The following PNMA6E variants were observed in gnomAD, a reference collection of about 807,000 sequenced individuals.
PNMA6E encodes PNMA family member 6E.
For missense variants in PNMA6E, 78 were observed against 50.8 expected (o/e 1.53, Z -1.63); for synonymous variants, 43 against 17.1 (o/e 2.52, Z -3.74).
At chrX:153,409,907 G>T in the PNMA6E span, among the ~76,000 whole-genome samples, 1 of 112,305 alleles carries the variant, frequency 8.9e-6, no homozygotes, top group African/African-American at 3.2e-5. Flanking sequence ...TGGATGATGC[G>T]GGTGCAAAGG....
upstream of PNMA6E, among the ~76,000 whole-genome samples, chrX:153,406,100 TGAAG>T (rs2088875879): frequency 8.9e-6 from 1 of 111,837 alleles, no homozygotes; most frequent in Admixed American, 9.5e-5. Context: ...AGAGGAAAGA[TGAAG>T]TAAGAAGAGT....
intron 1 of PNMA6E, among the ~76,000 whole-genome samples, 152 bp downstream of exon 1, chrX:153,401,092 G>T (rs1319009183): frequency 9.4e-6 from 1 of 106,233 alleles, no homozygotes; most frequent in Non-Finnish European, 2.0e-5. Flanking sequence ...GGCCAGGCGG[G>T]ACCGCCGCCC....
At chrX:153,407,038 G>A in the PNMA6E span, among the ~76,000 whole-genome samples, 69 of 112,559 alleles carry the variant, frequency 6.1e-4, no homozygotes, top group East Asian at 0.015. Context: ...GCCCTGGCAC[G>A]AGATCACAAG....
chrX:153,396,632 T>G lies in PNMA6E; in HGVS notation c.*274A>C, dbSNP rs1430226329. The G allele has an allele frequency of 2.1e-5, 4 of 190,044 alleles. No homozygotes were observed. The highest frequency in any genetic ancestry group is 3.9e-5 in the Non-Finnish European group (4 of 103,307). The allele number at this position is 190,044 out of a possible 1,213,427, so 15.7% of individuals were successfully genotyped here. A position where few individuals can be genotyped will look rare whatever the true frequency, so the allele number is the denominator to read the frequency against. ...CCACAGCTGCCCACTCAGGGCTCCC[T>G]CCAGGCCAGCCCCCCGTGGCGGCAG... On this transcript the variant is annotated 3_prime_UTR_variant, in exon 2 of 2. Coordinates refer to ENST00000445091, the MANE Select transcript of PNMA6E (RefSeq NM_001367770.1).
chrX:153,404,793 G>A (rs1199388807), upstream of PNMA6E, among the ~76,000 whole-genome samples: 3 of 111,611 alleles, frequency 2.7e-5, no homozygotes, highest in South Asian at 3.8e-4. Context: ...TCCCTCTCCC[G>A]TGGCCATCCC....
chrX:153,413,831 A>G, the PNMA6E span, among the ~76,000 whole-genome samples: 1 of 112,425 alleles, frequency 8.9e-6, no homozygotes, highest in Non-Finnish European at 1.9e-5. Flanking sequence ...TTGAAATTGT[A>G]GATGATTTTC....
At position 153,398,500 on chromosome X, in the gene PNMA6E, A is replaced by G. The variant is rs1400773867; in HGVS notation, c.350T>C (p.Val117Ala). ...TCCTCCCTCACCTGCAGCTTTTGCTACTGCTTGACCCTGGGGCTGTGCAGG... is the reference window on the plus strand; with the variant it reads ...TCCTCCCTCACCTGCAGCTTTTGCTGCTGCTTGACCCTGGGGCTGTGCAGG... The part of the protein sequence containing the change: ...SFPAQPQGQA[V>A]AKAAGEGGGA... Residue 117 changes from valine to alanine, a missense_variant, in exon 2 of 2, where the codon GTA (valine) becomes GCA (alanine). Physicochemically the swap from Val to Ala is moderately conservative, Grantham distance 64. Coordinates refer to ENST00000445091, the MANE Select transcript of PNMA6E (RefSeq NM_001367770.1). 2.4e-6 allele frequency: 1 copy of G among 411,129 alleles called. No individual in the cohort carries two copies. Among genetic ancestry groups the G allele is most frequent in the Non-Finnish European group, 4.2e-6 (1 of 237,455 alleles). 33.9% of individuals were successfully genotyped at this position (411,129 alleles called of 1,213,427 possible).
chrX:153,398,830 C>G lies in PNMA6E; in HGVS notation c.20G>C (p.Arg7Pro), dbSNP rs1299464820. 4 of 298,357 alleles carry G rather than the reference C, an allele frequency of 1.3e-5. No homozygotes were observed. Among genetic ancestry groups the G allele is most frequent in the East Asian group, 4.8e-5 (1 of 21,043 alleles). 24.6% of individuals were successfully genotyped at this position (298,357 alleles called of 1,213,427 possible). Residue 7 changes from arginine (R) to proline (P), a missense_variant, in exon 2 of 2, where the codon CGG becomes CCG. Physicochemically the swap from Arg to Pro is moderately radical, Grantham distance 103. Transcript: ENST00000445091. The part of the protein sequence containing the change: MALAML[R>P]DWCRWMGANA... The stretch of plus-strand genomic sequence containing the variant: ...CGCACCCATCCACCTGCACCAGTCC[C>G]GAAGCATCGCCAGAGCCATCGCAGA...
At chrX:153,403,975 AT>A (rs1556971769), upstream of PNMA6E, 1 of 87,287 alleles carries the variant, frequency 1.1e-5, no homozygotes, top group East Asian at 3.4e-4. Context: ...TATTAGAAGC[AT>A]GCTTCTTTTT....
chrX:153,398,995 G>C (rs2077481253), intron 1 of PNMA6E, 75 bp from the exon 2 acceptor site: 1 of 294,979 alleles, frequency 3.4e-6, no homozygotes, highest in East Asian at 4.8e-5. Flanking sequence ...ACGTGTGTGG[G>C]GGTGAGGGGG....
the PNMA6E span, among the ~76,000 whole-genome samples, chrX:153,413,712 G>T: frequency 1.8e-5 from 2 of 111,958 alleles, no homozygotes; most frequent in South Asian, 7.5e-4. Flanking sequence ...CTCTAGTTCC[G>T]CCAGGTGCCT....
At chrX:153,400,690 C>T (rs1295350088) in intron 1 of PNMA6E, among the ~76,000 whole-genome samples, 7 of 109,971 alleles carry the variant, frequency 6.4e-5, no homozygotes, top group African/African-American at 1.3e-4. Flanking sequence ...GACCTGACCA[C>T]GGCACCCGCC....
chrX:153,397,407 G>A lies in PNMA6E; in HGVS notation c.1443C>T (p.Phe481=), dbSNP rs1317701024. 6.7e-6 allele frequency: 2 copies of A among 297,354 alleles called. No individual in the cohort carries two copies. The highest frequency in any genetic ancestry group is 5.4e-5 in the African/African-American group (2 of 36,873). 24.5% of individuals were successfully genotyped at this position (297,354 alleles called of 1,213,427 possible). A position where few individuals can be genotyped will look rare whatever the true frequency, so the allele number is the denominator to read the frequency against. ...GMQLEKRPPG[F]LGLLRLIREM... Reference sequence around the variant, plus strand: ...CCCGGATGAGCCGGAGCAGCCCCAGGAAGCCAGGTGGCCTCTTCTCCAGCT... The same window carrying A: ...CCCGGATGAGCCGGAGCAGCCCCAGAAAGCCAGGTGGCCTCTTCTCCAGCT... The change falls in exon 2 of 2, where the codon TTC becomes TTT. Residue 481 remains phenylalanine (F), a synonymous_variant. Transcript: ENST00000445091.
chrX:153,411,877 C>T, the PNMA6E span, among the ~76,000 whole-genome samples: 16 of 293 alleles, frequency 0.055, no homozygotes, highest in African/African-American at 0.2. Flanking sequence ...CCGCCCCGTA[C>T]CAGGGGCGCC....
Position 153,396,843 on chromosome X carries a change from G to C in PNMA6E, c.*63C>G. Reference sequence around the variant, plus strand: ...GGGGTGAGGGACTGGCCCTGGCCTGGCCTCTGTCTGCCTCCAAGGCGCTGC... The same window carrying C: ...GGGGTGAGGGACTGGCCCTGGCCTGCCCTCTGTCTGCCTCCAAGGCGCTGC... On this transcript the variant is annotated 3_prime_UTR_variant, in exon 2 of 2. Transcript: ENST00000445091. 3.4e-6 allele frequency: 1 copy of C among 296,564 alleles called. No individual in the cohort carries two copies. The highest frequency in any genetic ancestry group is 5.9e-6 in the Non-Finnish European group (1 of 170,057). 24.4% of individuals were successfully genotyped at this position (296,564 alleles called of 1,213,427 possible).
chrX:153,411,336 C>T, the PNMA6E span, among the ~76,000 whole-genome samples: 2 of 112,735 alleles, frequency 1.8e-5, no homozygotes, highest in Non-Finnish European at 3.8e-5. Context: ...GCGGAAGTGC[C>T]TCGGGGCGCG....
At position 153,397,977 on chromosome X, in the gene PNMA6E, T is replaced by C. The variant is rs2088821206; in HGVS notation, c.873A>G (p.Glu291=). The C allele has an allele frequency of 4.7e-6, 2 of 426,711 alleles. No individual in the cohort carries two copies. Among genetic ancestry groups the C allele is most frequent in the Non-Finnish European group, 8.1e-6 (2 of 247,088 alleles). The allele number at this position is 426,711 out of a possible 1,213,427, so 35.2% of individuals were successfully genotyped here. ...CTTTTGTTACATTTGTCCCTCCTGC[T>C]TCACCCACAGCTCCTGCCTCACCTG... ...GAAGEAGAVG[E]AGGTNVTKAW... The change falls in exon 2 of 2, where the codon GAA becomes GAG. Residue 291 remains glutamate, a synonymous_variant. Coordinates refer to ENST00000445091, the MANE Select transcript of PNMA6E (RefSeq NM_001367770.1).
In PNMA6E at chrX:153,396,989, G is replaced by A; in HGVS notation, c.1861C>T (p.Gln621Ter). Reference sequence around the variant, plus strand: ...TTTTCCGGCTCCTCCAAGATGGTCTGGAGCCCCTCCAGTGGGGGTTTCCTG... The same window carrying A: ...TTTTCCGGCTCCTCCAAGATGGTCTAGAGCCCCTCCAGTGGGGGTTTCCTG... ...EARKPPLEGLQTILEEPENED... is the reference protein window; with the variant it reads ...EARKPPLEGL The change falls in exon 2 of 2, where the codon CAG becomes TAG. Residue 621 changes from glutamine (Q) to a stop codon, truncating the protein, a stop_gained. Transcript: ENST00000445091. LOFTEE classifies it low-confidence loss of function (END_TRUNC). The A allele has an allele frequency of 3.4e-6, 1 of 297,921 alleles. No individual in the cohort carries two copies. The highest frequency in any genetic ancestry group is 5.9e-6 in the Non-Finnish European group (1 of 170,391). The allele number at this position is 297,921 out of a possible 1,213,427, so 24.6% of individuals were successfully genotyped here.
In PNMA6E at chrX:153,396,699, G is replaced by C. The variant is rs1480700643; in HGVS notation, c.*207C>G. On this transcript the variant is annotated 3_prime_UTR_variant, in exon 2 of 2. Transcript: ENST00000445091. ...TGGGTGTGCTGGGTGCAAGGGAGCG[G>C]GGGGGCGCCTCTCCCCACCCCATTT... 7.4e-6 allele frequency: 2 copies of C among 271,332 alleles called. No individual in the cohort carries two copies. Among genetic ancestry groups the C allele is most frequent in the African/African-American group, 5.5e-5 (2 of 36,052 alleles). 22.4% of individuals were successfully genotyped at this position (271,332 alleles called of 1,213,427 possible).
Sources: gnomAD v4.1 joint callset for allele counts (sites outside exome capture counted in the v4.1 genomes callset) on GRCh38, gnomAD v4.1.1 for gene constraint, MANE v1.5 for transcripts, NCBI Gene and HGNC (gene_info 2026-07-23, HGNC 2026-07-21) for gene names.